FBXO28: variants seen among roughly 807,000 people sequenced by gnomAD.
FBXO28 encodes F-box protein 28.
In FBXO28, 8 loss-of-function variants were observed where a neutral mutation model predicts 38.1. The ratio of observed to expected loss-of-function variants is 0.21; its 90% CI spans 0.12 to 0.38. The LOEUF is 0.38. Among genes scored for constraint, FBXO28 ranks in the 10% least tolerant of loss-of-function variants. The pLI is 1.00. For synonymous variants in FBXO28, 168 were observed against 173.8 expected, an observed-to-expected ratio of 0.97 and a Z score of 0.26; for missense variants, 345 against 460.6, an observed-to-expected ratio of 0.75 and a Z score of 2.30.
At chr1:224,152,925 C>CAAAAAAAAAAAAAAA (rs57616453) in intron 3 of FBXO28, among the ~76,000 whole-genome samples, 1 of 64,890 alleles carries the variant, frequency 1.5e-5, no homozygotes, top group African/African-American at 6.5e-5. Context: ...AACTCTGTCT[C>CAAAAAAAAAAAAAAA]AAAAAAAAAA....
chr1:224,133,664 T>C (rs1409878101), intron 2 of FBXO28, among the ~76,000 whole-genome samples: 1 of 151,894 alleles, frequency 6.6e-6, no homozygotes, highest in Non-Finnish European at 1.5e-5. Flanking sequence ...ACTATAGGCA[T>C]GCACCATCAC....
chr1:224,116,366 CAA>C (rs1244801544), intron 1 of FBXO28, among the ~76,000 whole-genome samples: 4 of 152,206 alleles, frequency 2.6e-5, no homozygotes, highest in East Asian at 3.9e-4. Context: ...AATTGGCAGT[CAA>C]GAGAGTACCT....
chr1:224,150,569 A>G (rs1657619675), intron 3 of FBXO28, among the ~76,000 whole-genome samples: 1 of 152,078 alleles, frequency 6.6e-6, no homozygotes. Flanking sequence ...ACAAATATTT[A>G]CTCTTTGGAG....
chr1:224,140,877 T>C (rs1229066768), intron 3 of FBXO28, among the ~76,000 whole-genome samples: 13 of 140,606 alleles, frequency 9.2e-5, no homozygotes, highest in South Asian at 4.6e-4. Flanking sequence ...ACCTGGGAGG[T>C]GGAGGTTGCA....
chr1:224,145,392 T>C (rs1657476626), intron 3 of FBXO28, among the ~76,000 whole-genome samples: 1 of 151,866 alleles, frequency 6.6e-6, no homozygotes. Flanking sequence ...TAACACTTGT[T>C]TATATTAATT....
At chr1:224,116,565 TAG>T (rs1656648523) in intron 1 of FBXO28, among the ~76,000 whole-genome samples, 1 of 152,178 alleles carries the variant, frequency 6.6e-6, no homozygotes, top group South Asian at 2.1e-4. Flanking sequence ...AGAACAGAAT[TAG>T]TTTTCATAAA....
chr1:224,128,831 T>A (rs567160033), intron 1 of FBXO28, among the ~76,000 whole-genome samples: 77 of 151,782 alleles, frequency 5.1e-4, no homozygotes, highest in Admixed American at 1.8e-3. Flanking sequence ...AAATTTTTTT[T>A]AAAAATTAGC....
intron 2 of FBXO28, 32 bp from the exon 3 acceptor site, chr1:224,134,042 T>G: frequency 6.9e-7 from 1 of 1,445,370 alleles, no homozygotes; most frequent in South Asian, 1.5e-5. Context: ...GCTTTAATGG[T>G]TGCCTTGCTT....
At chr1:224,131,399 C>T (rs1188765921) in intron 2 of FBXO28, among the ~76,000 whole-genome samples, 2 of 151,966 alleles carry the variant, frequency 1.3e-5, no homozygotes, top group Non-Finnish European at 2.9e-5. Flanking sequence ...TATTGGAAGA[C>T]TCACACTTCC....
At chr1:224,150,583 T>C (rs528634724) in intron 3 of FBXO28, among the ~76,000 whole-genome samples, 77 of 152,308 alleles carry the variant, frequency 5.1e-4, no homozygotes, top group African/African-American at 1.8e-3. Context: ...TTTGGAGATA[T>C]ACATGTATAT....
At chr1:224,156,136 CATT>C (rs1657767694) in intron 4 of FBXO28, among the ~76,000 whole-genome samples, 1 of 152,274 alleles carries the variant, frequency 6.6e-6, no homozygotes, top group African/African-American at 2.4e-5. Context: ...AGAAGATTAA[CATT>C]ATGGTTTAGG....
intron 1 of FBXO28, among the ~76,000 whole-genome samples, chr1:224,116,808 T>C (rs750681200): frequency 9.2e-5 from 14 of 152,224 alleles, no homozygotes; most frequent in Non-Finnish European, 2.1e-4. Flanking sequence ...TTGTACTGTT[T>C]AGTTGATAAT....
rs560414185 is a variant in FBXO28 at position 224,147,824 on chromosome 1, T to C, written c.517-5318T>C. 4.5e-3 allele frequency among the ~76,000 whole-genome samples: 140 copies of C among 30,808 alleles called. 2 individuals carry two copies. Among genetic ancestry groups the C allele is most frequent in the African/African-American group, 6.3e-3 (45 of 7,104 alleles). The allele number at this position is 30,808 out of a possible 152,430, so 20.2% of individuals were successfully genotyped here. A position where few individuals can be genotyped will look rare whatever the true frequency, so the allele number is the denominator to read the frequency against. The stretch of plus-strand genomic sequence containing the variant: ...CCATTACATTCTCGTTAATGTAATT[T>C]GCAAAAAAAAAAAAAAAAAAAGATT... On this transcript the variant is annotated intron_variant, in intron 3 of 4. Coordinates refer to ENST00000366862, the MANE Select transcript of FBXO28 (RefSeq NM_015176.4).
Position 224,160,061 on chromosome 1 carries a change from A to G in FBXO28, c.*2315A>G, listed in dbSNP as rs1657870078. ...ATGCAGTAGGAGAATAAAGCACTAC[A>G]GTTCGGTTGTTCAAATCTTAAATCT... On this transcript the variant is annotated 3_prime_UTR_variant, in exon 5 of 5. Coordinates refer to ENST00000366862, the MANE Select transcript of FBXO28 (RefSeq NM_015176.4). The G allele has an allele frequency of 6.6e-6, 1 of 152,254 alleles. No homozygotes were observed. Among genetic ancestry groups the G allele is most frequent in the Non-Finnish European group, 1.5e-5 (1 of 68,044 alleles). The allele number at this position is 152,254 out of a possible 1,614,324, so 9.4% of individuals were successfully genotyped here.
At chr1:224,138,377 C>A (rs888740904) in intron 3 of FBXO28, among the ~76,000 whole-genome samples, 1 of 151,796 alleles carries the variant, frequency 6.6e-6, no homozygotes. Flanking sequence ...GAGAAACAGC[C>A]GTGTGCAATG....
At chr1:224,119,649 A>G (rs1036796262) in intron 1 of FBXO28, among the ~76,000 whole-genome samples, 4 of 152,206 alleles carry the variant, frequency 2.6e-5, no homozygotes, top group African/African-American at 9.6e-5. Flanking sequence ...CTTACACAGC[A>G]TCAGGATAAC....
rs948057813 is a variant in FBXO28 at position 224,117,833 on chromosome 1, C to T, written c.267+3437C>T. Among the ~76,000 whole-genome samples, 5 of 152,128 alleles carry T rather than the reference C, an allele frequency of 3.3e-5. No homozygotes were observed. In the South Asian group the frequency reaches 8.3e-4, roughly 25 times the overall value. On this transcript the variant is annotated intron_variant, in intron 1 of 4. Transcript: ENST00000366862. ...TACCAGCCTGGCCAACATGGTGAAACCCCATCTCTACCAAAAATATAAAAA... is the reference window on the plus strand; with the variant it reads ...TACCAGCCTGGCCAACATGGTGAAATCCCATCTCTACCAAAAATATAAAAA...
chr1:224,154,577 G>A (rs542451862), intron 4 of FBXO28, among the ~76,000 whole-genome samples: 1 of 152,040 alleles, frequency 6.6e-6, no homozygotes, highest in African/African-American at 2.4e-5. Context: ...GGGAGGCCAA[G>A]GCGGGCGGAT....
intron 2 of FBXO28, 76 bp downstream of exon 2, chr1:224,130,657 G>A (rs1657017680): frequency 1.1e-6 from 1 of 944,286 alleles, no homozygotes; most frequent in Non-Finnish European, 1.7e-6. Context: ...TCAGTCTCAT[G>A]GTTTACATAT....
Sources: gnomAD v4.1 joint callset for allele counts (sites outside exome capture counted in the v4.1 genomes callset) on GRCh38, gnomAD v4.1.1 for gene constraint, MANE v1.5 for transcripts, NCBI Gene and HGNC (gene_info 2026-07-23, HGNC 2026-07-21) for gene names.